C4orf51: variants seen among roughly 807,000 people sequenced by gnomAD.
C4orf51 encodes chromosome 4 open reading frame 51, also known as uncharacterized protein C4orf51.
In C4orf51, 25 loss-of-function variants were observed where a neutral mutation model predicts 25.2. That is an observed-to-expected ratio of 0.99 (90% CI 0.72 to 1.39). C4orf51 has a LOEUF of 1.39. Ranked by LOEUF, C4orf51 falls within the 40% of genes most tolerant of loss-of-function variation. The pLI is 0.00. For synonymous variants in C4orf51, 100 were observed against 84.5 expected (o/e 1.18, Z -1.01); for missense variants, 252 against 239.6 (o/e 1.05, Z -0.34).
intron 2 of C4orf51, among the ~76,000 whole-genome samples, chr4:145,708,097 G>A (rs925008104): frequency 8.5e-5 from 13 of 152,236 alleles, no homozygotes; most frequent in African/African-American, 2.9e-4. Context: ...TAGTTACCTG[G>A]AGAAGTGTCC....
rs768281100 is a variant in C4orf51, at chr4:145,765,623, G to A, written n.167-5365G>A. The A allele has an allele frequency of 4.2e-5, 68 of 1,613,920 alleles. No individual in the cohort carries two copies. Among genetic ancestry groups the A allele is most frequent in the African/African-American group, 6.7e-5 (5 of 74,868 alleles). ...CAGAGATGACCAGCAGATTGTTCCCGCCCTTGTTTTTCTGGGAGCCATCTG... is the reference window on the plus strand; with the variant it reads ...CAGAGATGACCAGCAGATTGTTCCCACCCTTGTTTTTCTGGGAGCCATCTG... On this transcript the variant is annotated intron_variant and non_coding_transcript_variant, in intron 1 of 1. Coordinates refer to the C4orf51 transcript ENST00000510096. This position sits in a 1 kb window ranked among gnomAD's most constrained non-coding sequence, Gnocchi z 4.7.
rs1460319483 is a variant in C4orf51 at position 145,761,402 on chromosome 4, C to T, written n.167-9586C>T. On this transcript the variant is annotated intron_variant and non_coding_transcript_variant, in intron 1 of 1. Coordinates refer to the C4orf51 transcript ENST00000510096. The surrounding 1 kb of genome is among the most constrained non-coding windows in gnomAD (Gnocchi z 6.8). ...CGCACGTGCTCGATGAGCTTGTTGG[C>T]GGTCTTGGACAGGTAGCCGCACTGG... 7 of 1,289,730 alleles carry T rather than the reference C, an allele frequency of 5.4e-6. No individual in the cohort carries two copies. Among genetic ancestry groups the T allele is most frequent in the Non-Finnish European group, 4.0e-6 (4 of 988,872 alleles). The allele number at this position is 1,289,730 out of a possible 1,614,324, so 79.9% of individuals were successfully genotyped here.
intron 2 of C4orf51, among the ~76,000 whole-genome samples, chr4:145,700,554 T>C (rs1048297458): frequency 3.3e-5 from 5 of 152,190 alleles, no homozygotes; most frequent in African/African-American, 9.7e-5. Context: ...AAAATGGCAC[T>C]TTCAATTTTT....
chr4:145,727,152 A>G (rs1732109400), intron 3 of C4orf51, among the ~76,000 whole-genome samples, 183 bp downstream of exon 3: 1 of 152,248 alleles, frequency 6.6e-6, no homozygotes, highest in South Asian at 2.1e-4. Context: ...CACAACAATA[A>G]CCAAGGTTAC....
downstream of C4orf51, among the ~76,000 whole-genome samples, chr4:145,757,115 G>A (rs1470279744): frequency 6.6e-6 from 1 of 152,104 alleles, no homozygotes; most frequent in Non-Finnish European, 1.5e-5. Flanking sequence ...TCTGTCTTTG[G>A]TCTCAGTTTC....
Position 145,707,209 on chromosome 4 carries a change from G to A in C4orf51, c.307+10577G>A, listed in dbSNP as rs561057843. Among the ~76,000 whole-genome samples the A allele has an allele frequency of 2.4e-3, 359 of 152,282 alleles. 1 individual carries two copies. Among genetic ancestry groups the A allele is most frequent in the Non-Finnish European group, 4.0e-3 (270 of 68,022 alleles). Reference sequence around the variant, plus strand: ...CCGCCTCGGCCTCCCAAAGTGTTGGGATTACAGGCGTGAGCCACCGCGCCA... The same window carrying A: ...CCGCCTCGGCCTCCCAAAGTGTTGGAATTACAGGCGTGAGCCACCGCGCCA... On this transcript the variant is annotated intron_variant, in intron 2 of 5. Transcript: ENST00000438731.
At chr4:145,730,629 T>TA (rs539733616) in intron 5 of C4orf51, among the ~76,000 whole-genome samples, 3 of 151,810 alleles carry the variant, frequency 2.0e-5, no homozygotes, top group South Asian at 2.1e-4. Flanking sequence ...CTCTTTAACT[T>TA]AAAAAAAACT....
At chr4:145,703,050 C>T (rs533570092) in intron 2 of C4orf51, among the ~76,000 whole-genome samples, 2 of 151,672 alleles carry the variant, frequency 1.3e-5, no homozygotes, top group Non-Finnish European at 2.9e-5. Flanking sequence ...TATAAGAAGG[C>T]AGGAATGTCA....
At chr4:145,733,517 C>G (rs1371106559), downstream of C4orf51, among the ~76,000 whole-genome samples, 1 of 152,246 alleles carries the variant, frequency 6.6e-6, no homozygotes, top group Non-Finnish European at 1.5e-5. Flanking sequence ...CCGCCTCCTA[C>G]CACTCTTCCT....
chr4:145,740,016 G>A (rs1449901262), intron 1 of C4orf51, among the ~76,000 whole-genome samples: 2 of 152,322 alleles, frequency 1.3e-5, no homozygotes, highest in African/African-American at 4.8e-5. Context: ...GAAGGCAGAA[G>A]ATGCAAACAA....
chr4:145,751,536 C>A (rs1733674981), intron 1 of C4orf51, among the ~76,000 whole-genome samples: 1 of 152,208 alleles, frequency 6.6e-6, no homozygotes, highest in South Asian at 2.1e-4. Flanking sequence ...GATAGAGTGA[C>A]ATAAGCAACC....
At chr4:145,682,127 T>C (rs1269075667) in intron 1 of C4orf51, among the ~76,000 whole-genome samples, 2 of 152,164 alleles carry the variant, frequency 1.3e-5, no homozygotes, top group African/African-American at 4.8e-5. Flanking sequence ...AGAGTGATCA[T>C]TATGTGAATC....
intron 1 of C4orf51, among the ~76,000 whole-genome samples, chr4:145,737,964 A>G (rs894542538): frequency 2.0e-5 from 3 of 152,340 alleles, no homozygotes; most frequent in Non-Finnish European, 2.9e-5. Flanking sequence ...ATTCATCTGT[A>G]TAGTAAAATG....
At chr4:145,741,737 G>A (rs149477111) in intron 1 of C4orf51, among the ~76,000 whole-genome samples, 12 of 151,514 alleles carry the variant, frequency 7.9e-5, no homozygotes, top group East Asian at 5.8e-4. Flanking sequence ...TCACTCTGTC[G>A]CCCAGGCTGG....
rs568224048 is a variant in C4orf51 at position 145,709,052 on chromosome 4, G to T, written c.307+12420G>T. Among the ~76,000 whole-genome samples, 53 of 152,268 alleles carry T rather than the reference G, an allele frequency of 3.5e-4. 1 individual carries two copies. Among genetic ancestry groups the T allele is most frequent in the African/African-American group, 1.2e-3 (50 of 41,556 alleles). On this transcript the variant is annotated intron_variant, in intron 2 of 5. Transcript: ENST00000438731. ...GGGAGGATGTGAGAAGAATACTCAT[G>T]GGAAGCCTTCATATGCTCACAAAAA... is the stretch of plus-strand genomic sequence containing the variant.
rs756638030 is a variant in C4orf51 at position 145,765,736 on chromosome 4, C to T, written n.167-5252C>T. On this transcript the variant is annotated intron_variant and non_coding_transcript_variant, in intron 1 of 1. Transcript: ENST00000510096. The surrounding 1 kb of genome is among the most constrained non-coding windows in gnomAD (Gnocchi z 4.7). The stretch of plus-strand genomic sequence containing the variant: ...GATTCGCTGGGGGTCTTCCTGTCTT[C>T]CCCTGAAAAATAAGCAAATAACCCA... The T allele has an allele frequency of 1.2e-6, 2 of 1,612,536 alleles. No homozygotes were observed. Among genetic ancestry groups the T allele is most frequent in the East Asian group, 2.2e-5 (1 of 44,846 alleles).
chr4:145,769,572 G>A (rs901142230), intron 1 of C4orf51, among the ~76,000 whole-genome samples: 1 of 152,194 alleles, frequency 6.6e-6, no homozygotes, highest in Non-Finnish European at 1.5e-5. Context: ...GCCACTCTGT[G>A]ATGCAGCCCA....
chr4:145,707,213 A>C (rs1730866676), intron 2 of C4orf51, among the ~76,000 whole-genome samples: 2 of 152,142 alleles, frequency 1.3e-5, no homozygotes, highest in Non-Finnish European at 1.5e-5. Flanking sequence ...TGTTGGGATT[A>C]CAGGCGTGAG....
At chr4:145,697,130 C>T (rs546328398) in intron 2 of C4orf51, among the ~76,000 whole-genome samples, 2 of 149,072 alleles carry the variant, frequency 1.3e-5, no homozygotes, top group Admixed American at 1.3e-4. Flanking sequence ...GAAAGGGTCT[C>T]ACTCTGTCAC....
Sources: gnomAD v4.1 joint callset for allele counts (sites outside exome capture counted in the v4.1 genomes callset) on GRCh38, gnomAD v4.1.1 for gene constraint, Gnocchi (gnomAD v3.1) non-coding constraint, MANE v1.5 for transcripts, NCBI Gene and HGNC (gene_info 2026-07-23, HGNC 2026-07-21) for gene names.